Variants in EPAS1 observed in about 807,000 individuals in gnomAD.
The protein encoded by EPAS1 is endothelial PAS domain-containing protein 1.
Under a neutral mutation model 87.9 loss-of-function variants are expected in EPAS1, and 23 were observed. The observed-to-expected ratio is 0.26, with a 90% CI of 0.19 to 0.37. The LOEUF (loss-of-function observed/expected upper bound fraction) is 0.37. Ranked by LOEUF, EPAS1 falls within the 10% of genes least tolerant of loss-of-function variation. The pLI is 1.00. For missense variants in EPAS1, 1,138 were observed against 1,120.7 expected (o/e 1.02, Z -0.22); for synonymous variants, 508 against 444.3 (o/e 1.14, Z -1.80).
At chr2:46,344,840 C>T (rs1305071380) in intron 1 of EPAS1, among the ~76,000 whole-genome samples, 1 of 152,214 alleles carries the variant, frequency 6.6e-6, no homozygotes, top group African/African-American at 2.4e-5. Context: ...TTGGACGATT[C>T]ATCCTTTAAT....
intron 1 of EPAS1, among the ~76,000 whole-genome samples, chr2:46,317,182 T>TC (rs1347755437): frequency 1.3e-5 from 2 of 152,350 alleles, no homozygotes; most frequent in African/African-American, 4.8e-5. Context: ...TCTTCCAGAC[T>TC]CCTGTTACTG....
chr2:46,377,764 TG>T (rs538616021), intron 9 of EPAS1, 129 bp from the exon 10 acceptor site: 74 of 1,480,794 alleles, frequency 5.0e-5, no homozygotes, highest in Non-Finnish European at 6.2e-5. Context: ...CCCAGGGTGT[TG>T]GGGGGGCCTA....
At position 46,385,051 on chromosome 2, in the gene EPAS1, A is replaced by G; in HGVS notation, c.*391A>G. 4.8e-6 allele frequency: 1 copy of G among 208,338 alleles called. No individual in the cohort carries two copies. The highest frequency in any genetic ancestry group is 5.2e-5 in the Admixed American group (1 of 19,068). The allele number at this position is 208,338 out of a possible 1,614,324, so 12.9% of individuals were successfully genotyped here. A position where few individuals can be genotyped will look rare whatever the true frequency, so the allele number is the denominator to read the frequency against. Reference sequence around the variant, plus strand: ...GGAGAAGCTTTAGCTTCATTTTACTAAAAAGATTCCTCGTTATTGTTGTTG... The same window carrying G: ...GGAGAAGCTTTAGCTTCATTTTACTGAAAAGATTCCTCGTTATTGTTGTTG... On this transcript the variant is annotated 3_prime_UTR_variant, in exon 16 of 16. Coordinates refer to ENST00000263734, the MANE Select transcript of EPAS1 (RefSeq NM_001430.5).
At chr2:46,359,807 A>G (rs1684351630) in intron 4 of EPAS1, among the ~76,000 whole-genome samples, 1 of 152,222 alleles carries the variant, frequency 6.6e-6, no homozygotes, top group African/African-American at 2.4e-5. Flanking sequence ...ATGGTGGTGT[A>G]GGCAGGATTT....
At chr2:46,381,790 G>A (rs1684899490) in intron 13 of EPAS1, 68 bp downstream of exon 13, 2 of 1,605,002 alleles carry the variant, frequency 1.2e-6, no homozygotes, top group Non-Finnish European at 1.7e-6. Context: ...TGCTGAGAGG[G>A]GTGGGGATGT....
At position 46,297,670 on chromosome 2, in the gene EPAS1, C is replaced by A; in HGVS notation, c.-242C>A. The A allele has an allele frequency of 1.8e-6, 1 of 557,172 alleles. No individual in the cohort carries two copies. The allele number at this position is 557,172 out of a possible 1,614,324, so 34.5% of individuals were successfully genotyped here. A position where few individuals can be genotyped will look rare whatever the true frequency, so the allele number is the denominator to read the frequency against. ...TCGGGTCTGACAGCCTCCACCCACT[C>A]CTTCCCCGGACCCCGCCTCCGCGCG... On this transcript the variant is annotated 5_prime_UTR_variant, in exon 1 of 16. Coordinates refer to ENST00000263734, the MANE Select transcript of EPAS1 (RefSeq NM_001430.5).
chr2:46,386,696 T>TACCA (rs1572653403), exon 16 of EPAS1: 1 of 152,690 alleles, frequency 6.5e-6, no homozygotes, highest in East Asian at 1.9e-4. Flanking sequence ...ATTCTGATCC[T>TACCA]ACCACTGCTG....
rs1255451320 is a variant in EPAS1, at chr2:46,360,585, A to T, written c.455-53A>T. The T allele has an allele frequency of 1.3e-6, 2 of 1,495,434 alleles. No individual in the cohort carries two copies. Among genetic ancestry groups the T allele is most frequent in the Non-Finnish European group, 1.9e-6 (2 of 1,072,404 alleles). The allele number at this position is 1,495,434 out of a possible 1,614,324, so 92.6% of individuals were successfully genotyped here. On this transcript the variant is annotated intron_variant, in intron 4 of 15. Transcript: ENST00000263734. The surrounding 1 kb of genome is among the most constrained non-coding windows in gnomAD (Gnocchi z 4.5). ...AAACTGCAGCTGGGCCCCTCTCATG[A>T]ATATCCATATAAAACTGACTTCAGC...
chr2:46,347,722 T>A lies in EPAS1; in HGVS notation c.217+659T>A, dbSNP rs1278185368. On this transcript the variant is annotated intron_variant, in intron 2 of 15. Transcript: ENST00000263734. The surrounding 1 kb of genome is among the most constrained non-coding windows in gnomAD (Gnocchi z 4.2). ...CTCCCCTCCCTAGCACCTCTGCAAC[T>A]CCAAAGTTCACAAGACATTTGCTTT... is the stretch of plus-strand genomic sequence containing the variant. 6.6e-6 allele frequency among the ~76,000 whole-genome samples: 1 copy of A among 152,188 alleles called. No individual in the cohort carries two copies. The highest frequency in any genetic ancestry group is 2.4e-5 in the African/African-American group (1 of 41,446).
Position 46,375,770 on chromosome 2 carries a change from G to T in EPAS1, c.967G>T (p.Gly323Trp). The T allele has an allele frequency of 6.2e-7, 1 of 1,614,232 alleles. No homozygotes were observed. The highest frequency in any genetic ancestry group is 8.5e-7 in the Non-Finnish European group (1 of 1,180,042). ...HGGYVWLETQ[G>W]TVIYNPRNLQ... ...GGGCTACGTGTGGCTGGAGACCCAG[G>T]GGACGGTCATCTACAACCCTCGCAA... Residue 323 changes from glycine (G) to tryptophan (W), a missense_variant, in exon 8 of 16, where the codon GGG (glycine) becomes TGG (tryptophan). This residue lies in a region of EPAS1 where 351 missense variants were observed against 417.1 expected (regional missense o/e 0.84). Coordinates refer to ENST00000263734, the MANE Select transcript of EPAS1 (RefSeq NM_001430.5). This position sits in a 1 kb window ranked among gnomAD's most constrained non-coding sequence, Gnocchi z 4.1.
In EPAS1 at chr2:46,356,138, C is replaced by CGG; in HGVS notation, c.218-13_218-12insGG. ...ACATTCATGCAAGCTGTCCCACCCC[C>CGG]CCCCCTTTCCAGTTTGCTCTGAAAA... On this transcript the variant is annotated splice_polypyrimidine_tract_variant and intron_variant, in intron 2 of 15. Coordinates refer to ENST00000263734, the MANE Select transcript of EPAS1 (RefSeq NM_001430.5). 1 of 1,261,408 alleles carries CGG rather than the reference C, an allele frequency of 7.9e-7. No individual in the cohort carries two copies. The highest frequency in any genetic ancestry group is 1.1e-6 in the Non-Finnish European group (1 of 913,482). The allele number at this position is 1,261,408 out of a possible 1,614,324, so 78.1% of individuals were successfully genotyped here. A position where few individuals can be genotyped will look rare whatever the true frequency, so the allele number is the denominator to read the frequency against.
intron 1 of EPAS1, among the ~76,000 whole-genome samples, chr2:46,330,655 C>T (rs1683656575): frequency 6.6e-6 from 1 of 152,186 alleles, no homozygotes; most frequent in African/African-American, 2.4e-5. Context: ...ACAAGGAATG[C>T]AAAAATAGAA....
At chr2:46,368,733 G>A (rs559468104) in intron 6 of EPAS1, among the ~76,000 whole-genome samples, 1 of 152,188 alleles carries the variant, frequency 6.6e-6, no homozygotes, top group Non-Finnish European at 1.5e-5. Context: ...TTCTGAAGTA[G>A]AGTTGTAATA....
At chr2:46,348,342 C>T (rs1684080858) in intron 2 of EPAS1, among the ~76,000 whole-genome samples, 1 of 152,086 alleles carries the variant, frequency 6.6e-6, no homozygotes, top group Admixed American at 6.5e-5. Context: ...TGGGCTGAGC[C>T]CTGGCAAGGC....
rs1684364477 is a variant in EPAS1, at chr2:46,360,544, A to G, written c.455-94A>G. The G allele has an allele frequency of 4.6e-6, 5 of 1,098,788 alleles. No individual in the cohort carries two copies. In the South Asian group the frequency reaches 6.3e-5, roughly 14 times the overall value. The allele number at this position is 1,098,788 out of a possible 1,614,324, so 68.1% of individuals were successfully genotyped here. ...GAGCAGATATTTGGAAAATATAAAC[A>G]ATAGGCTGCCAAGAAAAACTGCAGC... On this transcript the variant is annotated intron_variant, in intron 4 of 15. Coordinates refer to ENST00000263734, the MANE Select transcript of EPAS1 (RefSeq NM_001430.5). This position sits in a 1 kb window ranked among gnomAD's most constrained non-coding sequence, Gnocchi z 4.5.
At chr2:46,363,685 A>G (rs59435870) in intron 6 of EPAS1, among the ~76,000 whole-genome samples, 2,142 of 152,332 alleles carry the variant, frequency 0.014, 60 homozygotes, top group East Asian at 0.068. Flanking sequence ...TTCTGGCTTA[A>G]AGGAAGTATC....
chr2:46,297,731 C>T lies in EPAS1; in HGVS notation c.-181C>T, dbSNP rs1190587814. The T allele has an allele frequency of 2.8e-6, 2 of 705,088 alleles. No homozygotes were observed. The highest frequency in any genetic ancestry group is 1.9e-5 in the South Asian group (1 of 53,356). The allele number at this position is 705,088 out of a possible 1,614,324, so 43.7% of individuals were successfully genotyped here. A position where few individuals can be genotyped will look rare whatever the true frequency, so the allele number is the denominator to read the frequency against. On this transcript the variant is annotated 5_prime_UTR_variant, in exon 1 of 16. Coordinates refer to ENST00000263734, the MANE Select transcript of EPAS1 (RefSeq NM_001430.5). Reference sequence around the variant, plus strand: ...CCAGTCACCTTTCTCCACCCCCGCCCCCGCACCTAGCCCGCCGCGCGCCAC... The same window carrying T: ...CCAGTCACCTTTCTCCACCCCCGCCTCCGCACCTAGCCCGCCGCGCGCCAC...
intron 1 of EPAS1, among the ~76,000 whole-genome samples, chr2:46,331,822 C>G (rs1178650024): frequency 1.3e-5 from 2 of 152,220 alleles, no homozygotes; most frequent in Non-Finnish European, 2.9e-5. Flanking sequence ...TACACTCACT[C>G]TAATCTTCTA....
At chr2:46,364,563 T>C (rs568881584) in intron 6 of EPAS1, among the ~76,000 whole-genome samples, 1 of 152,352 alleles carries the variant, frequency 6.6e-6, no homozygotes, top group Admixed American at 6.5e-5. Context: ...GCATTTGTCC[T>C]CCTGTTAATG....
Sources: allele counts gnomAD v4.1 joint callset (sites outside exome capture counted in the v4.1 genomes callset), GRCh38; gene constraint gnomAD v4.1.1; regional missense constraint gnomAD v4.1.1; non-coding constraint Gnocchi (gnomAD v3.1); transcripts MANE v1.5; gene names NCBI Gene and HGNC (gene_info 2026-07-23, HGNC 2026-07-21).